The following MTR variants were observed in gnomAD, a reference collection of about 807,000 sequenced individuals.
The protein encoded by MTR is 5-methyltetrahydrofolate-homocysteine methyltransferase, also known as methionine synthase.
In MTR, 84 loss-of-function variants were observed where a neutral mutation model predicts 154.8. That is an observed-to-expected ratio of 0.54 (90% CI 0.45 to 0.65). MTR has a LOEUF of 0.65. Ranked by LOEUF, MTR falls within the 30% of genes least tolerant of loss-of-function variation. The pLI, the probability that MTR is intolerant of heterozygous loss-of-function variation, is 0.00. For missense variants in MTR, 1,275 were observed against 1,570.2 expected, an observed-to-expected ratio of 0.81 and a Z score of 3.18; for synonymous variants, 554 against 553.9, an observed-to-expected ratio of 1.00 and a Z score of 0.00.
chr1:236,807,689 T>G (rs979351508), intron 3 of MTR, among the ~76,000 whole-genome samples: 1 of 152,234 alleles, frequency 6.6e-6, no homozygotes, highest in Non-Finnish European at 1.5e-5. Context: ...TCCCCATTTT[T>G]GTTTGGCATG....
intron 27 of MTR, 120 bp downstream of exon 27, chr1:236,886,487 T>A: frequency 1.2e-6 from 1 of 868,656 alleles, no homozygotes; most frequent in Non-Finnish European, 1.9e-6. Flanking sequence ...CAACTGTGTC[T>A]AATGCTGATG....
At chr1:236,847,918 T>C (rs1663678076) in intron 15 of MTR, among the ~76,000 whole-genome samples, 1 of 152,232 alleles carries the variant, frequency 6.6e-6, no homozygotes, top group South Asian at 2.1e-4. Flanking sequence ...TTAGTGTGTC[T>C]GTCCCACAGC....
At chr1:236,897,310 G>GCACGCACACACACACACACACACACACA (rs1373475510) in intron 32 of MTR, among the ~76,000 whole-genome samples, 192 bp downstream of exon 32, 10 of 128,614 alleles carry the variant, frequency 7.8e-5, no homozygotes, top group African/African-American at 2.8e-4. Flanking sequence ...CCACACACAC[G>GCACGCACACACACACACACACACACACA]CACACACACA....
At chr1:236,877,066 T>G (rs1665474762) in intron 24 of MTR, among the ~76,000 whole-genome samples, 1 of 152,220 alleles carries the variant, frequency 6.6e-6, no homozygotes, top group Non-Finnish European at 1.5e-5. Flanking sequence ...TAGGTAGCAC[T>G]GCTTCCCGGG....
intron 8 of MTR, among the ~76,000 whole-genome samples, chr1:236,817,064 C>T (rs1661636147): frequency 1.3e-5 from 2 of 152,098 alleles, no homozygotes; most frequent in Non-Finnish European, 2.9e-5. Context: ...TTCAGCTTGG[C>T]CAACATAGCA....
rs764477793 is a variant in MTR at position 236,897,001 on chromosome 1, T to G, written c.3599-5T>G. On this transcript the variant is annotated splice_region_variant and splice_polypyrimidine_tract_variant and intron_variant, in intron 31 of 32. Transcript: ENST00000366577. The stretch of plus-strand genomic sequence containing the variant: ...TAAGCATTTTCCCTGTGTTGCTCCC[T>G]CTAGGCATTAGGTTAACAGAATCAT... 1 of 1,609,164 alleles carries G rather than the reference T, an allele frequency of 6.2e-7. No individual in the cohort carries two copies. Among genetic ancestry groups the G allele is most frequent in the Middle Eastern group, 1.7e-4 (1 of 6,054 alleles).
Position 236,889,172 on chromosome 1 carries a change from C to T in MTR, c.2852-9C>T. ...CGTCAGCATTGACAACCATACTTCT[C>T]TCCTGTAGTGAAGCCCACGTTTATT... is the stretch of plus-strand genomic sequence containing the variant. On this transcript the variant is annotated splice_polypyrimidine_tract_variant and intron_variant, in intron 27 of 32. Coordinates refer to ENST00000366577, the MANE Select transcript of MTR (RefSeq NM_000254.3). 3.1e-6 allele frequency: 5 copies of T among 1,614,092 alleles called. No homozygotes were observed. Among genetic ancestry groups the T allele is most frequent in the Non-Finnish European group, 4.2e-6 (5 of 1,179,994 alleles).
intron 18 of MTR, among the ~76,000 whole-genome samples, chr1:236,859,358 C>T (rs1378531435): frequency 2.0e-5 from 3 of 152,228 alleles, no homozygotes; most frequent in Admixed American, 6.5e-5. Context: ...TTGGAGGACA[C>T]CTTCAAACCA....
At chr1:236,844,717 G>C (rs1412361113) in intron 15 of MTR, among the ~76,000 whole-genome samples, 1 of 152,178 alleles carries the variant, frequency 6.6e-6, no homozygotes, top group African/African-American at 2.4e-5. Flanking sequence ...AAAGAGTGCA[G>C]ATCTGCAGGC....
chr1:236,862,322 T>C lies in MTR; in HGVS notation c.2283T>C (p.Leu761=). The C allele has an allele frequency of 6.2e-7, 1 of 1,613,772 alleles. No individual in the cohort carries two copies. The highest frequency in any genetic ancestry group is 8.5e-7 in the Non-Finnish European group (1 of 1,179,696). ...MEKEREETRV[L]NGTVEEEDPY... ...AAGAAAGAGAAGAAACCAGAGTGCT[T>C]AACGGCACAGTAGAAGAAGAGGCAA... Residue 761 remains leucine (L), a synonymous_variant, in exon 21 of 33, where the codon CTT becomes CTC. Coordinates refer to ENST00000366577, the MANE Select transcript of MTR (RefSeq NM_000254.3).
At chr1:236,811,506 TG>T (rs1661301791) in intron 5 of MTR, 2 of 431,504 alleles carry the variant, frequency 4.6e-6, no homozygotes, top group Non-Finnish European at 9.4e-6. Flanking sequence ...GGTAGTGCAG[TG>T]GGTGGAGATG....
intron 28 of MTR, among the ~76,000 whole-genome samples, chr1:236,890,345 C>T (rs3768153): frequency 0.21 from 32,117 of 151,976 alleles, 3,616 homozygotes; most frequent in South Asian, 0.31. Flanking sequence ...ATGGTGTCCT[C>T]GGAGGCTGGC....
chr1:236,869,550 A>T (rs139410039), intron 22 of MTR, among the ~76,000 whole-genome samples: 6 of 152,218 alleles, frequency 3.9e-5, no homozygotes, highest in Admixed American at 2.6e-4. Flanking sequence ...CTTCCGTAAC[A>T]TTCATTTTTA....
chr1:236,896,279 C>T (rs1314527967), intron 31 of MTR, among the ~76,000 whole-genome samples: 4 of 152,106 alleles, frequency 2.6e-5, no homozygotes, highest in African/African-American at 7.2e-5. Context: ...CAGTTTTCAG[C>T]GGAATTAATA....
chr1:236,897,800 G>T lies in MTR; in HGVS notation c.*156G>T. 1 of 686,078 alleles carries T rather than the reference G, an allele frequency of 1.5e-6. No individual in the cohort carries two copies. The highest frequency in any genetic ancestry group is 2.5e-6 in the Non-Finnish European group (1 of 400,530). 42.5% of individuals were successfully genotyped at this position (686,078 alleles called of 1,614,324 possible). A position where few individuals can be genotyped will look rare whatever the true frequency, so the allele number is the denominator to read the frequency against. On this transcript the variant is annotated 3_prime_UTR_variant, in exon 33 of 33. Transcript: ENST00000366577. The stretch of plus-strand genomic sequence containing the variant: ...AGACTATTTAGTGGAACCTTGTAGA[G>T]GAGCAGGGTCTTCCTGCAGTGCCTG...
intron 26 of MTR, 95 bp from the exon 27 acceptor site, chr1:236,886,197 T>C: frequency 1.0e-6 from 1 of 1,001,706 alleles, no homozygotes; most frequent in East Asian, 2.5e-5. Context: ...TTTGCTTTCT[T>C]GCAAAGCTTA....
At chr1:236,800,185 A>C (rs1660628240) in intron 1 of MTR, 4 of 985,290 alleles carry the variant, frequency 4.1e-6, no homozygotes, top group African/African-American at 1.7e-5. Context: ...AGTGGAGGAG[A>C]TAGGAAGAAG....
Position 236,850,530 on chromosome 1 carries a change from G to A in MTR, c.1695+7G>A, listed in dbSNP as rs183273480. Reference sequence around the variant, plus strand: ...TGCAACAAAAGTCATTAAAGTAAGTGTAGGCATGTTCTCTCCCAAGTCATG... The same window carrying A: ...TGCAACAAAAGTCATTAAAGTAAGTATAGGCATGTTCTCTCCCAAGTCATG... On this transcript the variant is annotated splice_region_variant and intron_variant, in intron 16 of 32. Coordinates refer to ENST00000366577, the MANE Select transcript of MTR (RefSeq NM_000254.3). 2.2e-5 allele frequency: 36 copies of A among 1,612,976 alleles called. No homozygotes were observed. In the African/African-American group the frequency reaches 4.4e-4, roughly 20 times the overall value.
intron 21 of MTR, 146 bp from the exon 22 acceptor site, chr1:236,863,307 GT>G: frequency 2.7e-6 from 2 of 736,344 alleles, no homozygotes; most frequent in Non-Finnish European, 4.9e-6. Flanking sequence ...CCTTTGAACT[GT>G]TTGGGCTTCG....
Sources: gnomAD v4.1 joint callset for allele counts (sites outside exome capture counted in the v4.1 genomes callset) on GRCh38, gnomAD v4.1.1 for gene constraint, MANE v1.5 for transcripts, NCBI Gene and HGNC (gene_info 2026-07-23, HGNC 2026-07-21) for gene names.